Variants in LRRTM4 observed in about 807,000 individuals in gnomAD.
LRRTM4 encodes leucine-rich repeat transmembrane neuronal protein 4.
LRRTM4 carries 25 observed loss-of-function variants against 47.6 expected under a neutral mutation model. The ratio of observed to expected loss-of-function variants is 0.53; its 90% CI spans 0.38 to 0.73. The LOEUF (loss-of-function observed/expected upper bound fraction) is 0.73, where lower values mean the gene tolerates loss of function less well. LRRTM4 is among the 30% of genes least tolerant of loss of function. LRRTM4 has a pLI of 0.00. For synonymous variants in LRRTM4, 311 were observed against 269.5 expected, an observed-to-expected ratio of 1.15 and a Z score of -1.51; for missense variants, 638 against 713.4, an observed-to-expected ratio of 0.89 and a Z score of 1.20.
At chr2:76,830,903 A>T (rs1671331951) in intron 3 of LRRTM4, among the ~76,000 whole-genome samples, 1 of 152,086 alleles carries the variant, frequency 6.6e-6, no homozygotes, top group Admixed American at 6.6e-5. Context: ...TAATAAAGAA[A>T]ATATGAAAAT....
chr2:77,490,889 G>C (rs1232586877), intron 3 of LRRTM4, among the ~76,000 whole-genome samples: 3 of 150,174 alleles, frequency 2.0e-5, no homozygotes. Flanking sequence ...GTAAAACAAA[G>C]AAAAAGAAAA....
rs62170873 is a variant in LRRTM4 at position 77,019,488 on chromosome 2, C to T, written c.1552-270572G>A. Reference sequence around the variant, plus strand: ...CCTTTTCTAAGCCTCAGTGACTACACCAGTGAAATAATACTATAAATCTCA... The same window carrying T: ...CCTTTTCTAAGCCTCAGTGACTACATCAGTGAAATAATACTATAAATCTCA... On this transcript the variant is annotated intron_variant, in intron 3 of 3. Transcript: ENST00000409884. Among the ~76,000 whole-genome samples, 955 of 152,030 alleles carry T rather than the reference C, an allele frequency of 6.3e-3. 3 individuals are homozygous for T. Among genetic ancestry groups the T allele is most frequent in the Non-Finnish European group, 0.011 (752 of 67,936 alleles).
intron 3 of LRRTM4, among the ~76,000 whole-genome samples, chr2:77,234,095 T>A (rs367780476): frequency 1.3e-3 from 193 of 152,298 alleles, no homozygotes; most frequent in African/African-American, 4.6e-3. Context: ...ACTTATTTCT[T>A]AAAGACCACT....
intron 3 of LRRTM4, among the ~76,000 whole-genome samples, chr2:76,873,448 T>A (rs1375028492): frequency 3.5e-5 from 5 of 141,708 alleles, no homozygotes; most frequent in African/African-American, 1.4e-4. Flanking sequence ...AGTCTGTGTG[T>A]ATATATATAT....
intron 3 of LRRTM4, among the ~76,000 whole-genome samples, chr2:77,181,007 AAAAT>A (rs751960479): frequency 3.2e-4 from 49 of 152,328 alleles, no homozygotes; most frequent in African/African-American, 8.9e-4. Flanking sequence ...AAGATTTAGA[AAAAT>A]AAATATACAT....
intron 3 of LRRTM4, among the ~76,000 whole-genome samples, chr2:77,344,291 T>G (rs934022634): frequency 2.0e-5 from 3 of 151,812 alleles, no homozygotes; most frequent in Non-Finnish European, 4.4e-5. Flanking sequence ...TGACAAAGAC[T>G]ATAAACAGCC....
At chr2:77,143,627 A>C (rs894806519) in intron 3 of LRRTM4, among the ~76,000 whole-genome samples, 2 of 152,230 alleles carry the variant, frequency 1.3e-5, no homozygotes, top group African/African-American at 4.8e-5. Context: ...GAAAAACTAG[A>C]AAAACTGTAT....
intron 1 of LRRTM4, 104 bp from the exon 2 acceptor site, chr2:77,521,922 G>T (rs1679529309): frequency 3.9e-6 from 2 of 517,764 alleles, no homozygotes; most frequent in Admixed American, 3.6e-5. Flanking sequence ...GGTTGTGGGG[G>T]CAGGGAAAAG....
chr2:77,057,803 C>T (rs1679657949), intron 3 of LRRTM4, among the ~76,000 whole-genome samples: 1 of 152,110 alleles, frequency 6.6e-6, no homozygotes, highest in South Asian at 2.1e-4. Flanking sequence ...ACATAAATGA[C>T]ACCTCTATTA....
chr2:76,962,586 A>G (rs1295372640), intron 3 of LRRTM4, among the ~76,000 whole-genome samples: 2 of 150,892 alleles, frequency 1.3e-5, no homozygotes, highest in Admixed American at 6.6e-5. Context: ...CTACTTCACC[A>G]TTTAAAACCC....
At chr2:77,283,940 A>G (rs1232128704) in intron 3 of LRRTM4, among the ~76,000 whole-genome samples, 1 of 152,046 alleles carries the variant, frequency 6.6e-6, no homozygotes, top group Non-Finnish European at 1.5e-5. Context: ...ATGTCCATTC[A>G]ACAAAACTGC....
chr2:77,248,834 A>T (rs1675522445), intron 3 of LRRTM4, among the ~76,000 whole-genome samples: 1 of 152,186 alleles, frequency 6.6e-6, no homozygotes, highest in Non-Finnish European at 1.5e-5. Flanking sequence ...GAACAACAGG[A>T]CACCCACATA....
chr2:77,278,163 C>T (rs1004414195), intron 3 of LRRTM4, among the ~76,000 whole-genome samples: 11 of 152,058 alleles, frequency 7.2e-5, no homozygotes, highest in Middle Eastern at 6.8e-3. Context: ...CTGTCTAGCA[C>T]GTCTTCAGTC....
Position 77,095,209 on chromosome 2 carries a change from C to T in LRRTM4, c.1552-346293G>A, listed in dbSNP as rs1332766280. On this transcript the variant is annotated intron_variant, in intron 3 of 3. Coordinates refer to ENST00000409884, the MANE Select transcript of LRRTM4 (RefSeq NM_001134745.3). ...AATTAAAACCACAGTGAGATACTACCTCATTAGTGACAAAGTTAGAATGTC... is the reference window on the plus strand; with the variant it reads ...AATTAAAACCACAGTGAGATACTACTTCATTAGTGACAAAGTTAGAATGTC... 3.3e-5 allele frequency among the ~76,000 whole-genome samples: 5 copies of T among 152,214 alleles called. No individual in the cohort carries two copies. In the South Asian group the frequency reaches 1.0e-3, roughly 32 times the overall value.
intron 3 of LRRTM4, among the ~76,000 whole-genome samples, chr2:77,185,814 T>C (rs1298528701): frequency 1.3e-5 from 2 of 152,148 alleles, no homozygotes; most frequent in Non-Finnish European, 2.9e-5. Flanking sequence ...CAGGCCTAGT[T>C]TGAATTACTG....
At chr2:77,422,496 G>T (rs548912443) in intron 3 of LRRTM4, among the ~76,000 whole-genome samples, 55 of 152,260 alleles carry the variant, frequency 3.6e-4, no homozygotes, top group African/African-American at 1.3e-3. Context: ...GAAGTAAATT[G>T]CAAAGAAGTA....
chr2:77,348,168 T>C (rs1191680516), intron 3 of LRRTM4, among the ~76,000 whole-genome samples: 1 of 152,016 alleles, frequency 6.6e-6, no homozygotes, highest in Non-Finnish European at 1.5e-5. Context: ...GCATACTTTT[T>C]GACCTGTATG....
At chr2:77,507,831 C>T (rs1678837247) in intron 3 of LRRTM4, among the ~76,000 whole-genome samples, 1 of 151,912 alleles carries the variant, frequency 6.6e-6, no homozygotes, top group Non-Finnish European at 1.5e-5. Flanking sequence ...GGTGTCAGAA[C>T]TTAATCACCG....
chr2:77,507,856 A>T (rs1468532240), intron 3 of LRRTM4, among the ~76,000 whole-genome samples: 2 of 152,140 alleles, frequency 1.3e-5, no homozygotes, highest in African/African-American at 4.8e-5. Flanking sequence ...CAAGGTGAGC[A>T]TGGTTACCAT....
Sources: allele counts gnomAD v4.1 joint callset (sites outside exome capture counted in the v4.1 genomes callset), GRCh38; gene constraint gnomAD v4.1.1; transcripts MANE v1.5; gene names NCBI Gene and HGNC (gene_info 2026-07-23, HGNC 2026-07-21).